CLSTN2: variants seen among roughly 807,000 people sequenced by gnomAD.
CLSTN2 encodes calsyntenin 2.
CLSTN2 carries 48 observed loss-of-function variants against 101.2 expected under a neutral mutation model. The observed-to-expected ratio is 0.47, with a 90% CI of 0.38 to 0.60. The LOEUF is 0.60. Among genes scored for constraint, CLSTN2 ranks in the 20% least tolerant of loss-of-function variants. The probability of loss-of-function intolerance (pLI) is 0.00; values close to 1 mark genes in which losing one functional copy is unlikely to be tolerated. For synonymous variants in CLSTN2, 481 were observed against 463.6 expected (o/e 1.04, Z -0.48); for missense variants, 1,160 against 1,238.2 (o/e 0.94, Z 0.95).
chr3:140,341,699 G>A (rs1484495206), intron 2 of CLSTN2, among the ~76,000 whole-genome samples: 2 of 152,048 alleles, frequency 1.3e-5, no homozygotes, highest in South Asian at 2.1e-4. Context: ...GTGGGCCCCC[G>A]GGGGCCCCAC....
chr3:140,255,798 T>A (rs143537852), intron 2 of CLSTN2, among the ~76,000 whole-genome samples: 280 of 152,282 alleles, frequency 1.8e-3, no homozygotes, highest in African/African-American at 6.6e-3. Context: ...TAAAAAGGAA[T>A]TTTTTTAAAT....
At chr3:140,267,138 C>T (rs1198348883) in intron 2 of CLSTN2, among the ~76,000 whole-genome samples, 1 of 152,250 alleles carries the variant, frequency 6.6e-6, no homozygotes, top group Non-Finnish European at 1.5e-5. Context: ...GGTTCCCAGG[C>T]GGAGTATGTA....
intron 2 of CLSTN2, among the ~76,000 whole-genome samples, chr3:140,370,874 A>G (rs954946001): frequency 5.3e-5 from 8 of 151,932 alleles, no homozygotes; most frequent in African/African-American, 1.7e-4. Context: ...GCCCCACCCT[A>G]GCACCGGCCC....
At chr3:140,142,963 G>A (rs894530168) in intron 1 of CLSTN2, among the ~76,000 whole-genome samples, 9 of 152,130 alleles carry the variant, frequency 5.9e-5, no homozygotes, top group Non-Finnish European at 1.2e-4. Flanking sequence ...TGGACTTGAA[G>A]CACCTCTACT....
intron 1 of CLSTN2, among the ~76,000 whole-genome samples, chr3:140,106,537 C>A (rs115312584): frequency 2.6e-5 from 4 of 152,296 alleles, no homozygotes; most frequent in Non-Finnish European, 4.4e-5. Context: ...TGGGTGAGCA[C>A]TGCTCACAGC....
chr3:140,519,506 A>G (rs1372121182), intron 8 of CLSTN2, among the ~76,000 whole-genome samples: 1 of 152,204 alleles, frequency 6.6e-6, no homozygotes, highest in East Asian at 1.9e-4. Flanking sequence ...ATTTATGAAT[A>G]TGGTTCTCCT....
At chr3:139,997,311 C>T (rs1421924523) in intron 1 of CLSTN2, among the ~76,000 whole-genome samples, 2 of 148,564 alleles carry the variant, frequency 1.3e-5, no homozygotes, top group Non-Finnish European at 3.0e-5. Context: ...TATTTTATTG[C>T]AGTAATTTTC....
intron 2 of CLSTN2, among the ~76,000 whole-genome samples, chr3:140,279,440 A>G (rs1424446078): frequency 1.3e-5 from 2 of 152,222 alleles, no homozygotes; most frequent in East Asian, 3.8e-4. Flanking sequence ...ATGCTGCCAA[A>G]AGGTGTTACA....
At chr3:139,946,595 A>G (rs1421640333) in intron 1 of CLSTN2, among the ~76,000 whole-genome samples, 1 of 152,192 alleles carries the variant, frequency 6.6e-6, no homozygotes, top group Non-Finnish European at 1.5e-5. Context: ...ATGGGCATCA[A>G]TCTTCCTTAG....
chr3:140,496,515 T>C (rs1256348263), intron 8 of CLSTN2, among the ~76,000 whole-genome samples: 2 of 152,216 alleles, frequency 1.3e-5, no homozygotes, highest in Non-Finnish European at 2.9e-5. Context: ...ATAGAAGTGA[T>C]GAGAGAGGGC....
At chr3:140,057,945 T>C (rs576940804) in intron 1 of CLSTN2, among the ~76,000 whole-genome samples, 157 of 152,298 alleles carry the variant, frequency 1.0e-3, no homozygotes, top group Non-Finnish European at 1.6e-3. Context: ...AGGCAAGAGA[T>C]GATTTTCTGA....
chr3:140,260,156 A>G (rs959717267), intron 2 of CLSTN2, among the ~76,000 whole-genome samples: 10 of 144,406 alleles, frequency 6.9e-5, no homozygotes, highest in African/African-American at 1.8e-4. Flanking sequence ...ATATATATAT[A>G]TTATATATAA....
At chr3:139,955,112 C>CTATATATACATATATATATATATA (rs1440167224) in intron 1 of CLSTN2, among the ~76,000 whole-genome samples, 4 of 71,504 alleles carry the variant, frequency 5.6e-5, no homozygotes, top group African/African-American at 2.2e-4. Flanking sequence ...GGCAATATTG[C>CTATATATACATATATATATATATA]TATATATATA....
chr3:140,193,030 A>G (rs939588536), intron 2 of CLSTN2, among the ~76,000 whole-genome samples: 2 of 151,846 alleles, frequency 1.3e-5, no homozygotes, highest in Admixed American at 1.3e-4. Flanking sequence ...TCAGTTCAAA[A>G]GATGTATGGG....
intron 2 of CLSTN2, among the ~76,000 whole-genome samples, chr3:140,219,049 G>A (rs1371902048): frequency 6.6e-6 from 1 of 151,938 alleles, no homozygotes; most frequent in Non-Finnish European, 1.5e-5. Context: ...ATGCAACTAG[G>A]GCATCAACTC....
chr3:139,966,874 A>AT (rs1356692807), intron 1 of CLSTN2, among the ~76,000 whole-genome samples: 3 of 152,176 alleles, frequency 2.0e-5, no homozygotes, highest in African/African-American at 7.2e-5. Context: ...TGATGACCCA[A>AT]GAATATGGCT....
chr3:140,269,653 G>A lies in CLSTN2; in HGVS notation c.232+93580G>A, dbSNP rs115685624. Among the ~76,000 whole-genome samples, 1,259 of 152,284 alleles carry A rather than the reference G, an allele frequency of 8.3e-3. 14 individuals carry two copies. The highest frequency in any genetic ancestry group is 0.041 in the Middle Eastern group (12 of 294). ...TTATTGAGTGAACTCTGTGTGCATA[G>A]CCCCACTTCTTGAACCGATGGGGGA... On this transcript the variant is annotated intron_variant, in intron 2 of 16. Transcript: ENST00000458420.
intron 2 of CLSTN2, among the ~76,000 whole-genome samples, chr3:140,395,274 A>G (rs531920830): frequency 5.9e-5 from 9 of 152,298 alleles, no homozygotes; most frequent in African/African-American, 2.2e-4. Flanking sequence ...TTGAATGGGA[A>G]CCAAGGTTAA....
chr3:140,283,524 A>C (rs910245399), intron 2 of CLSTN2, among the ~76,000 whole-genome samples: 1 of 152,098 alleles, frequency 6.6e-6, no homozygotes, highest in Non-Finnish European at 1.5e-5. Context: ...TATGGACTTC[A>C]TGAGGGGTTA....
Sources: allele counts gnomAD v4.1 joint callset (sites outside exome capture counted in the v4.1 genomes callset), GRCh38; gene constraint gnomAD v4.1.1; transcripts MANE v1.5; gene names NCBI Gene and HGNC (gene_info 2026-07-23, HGNC 2026-07-21).